Variants in NTF3 observed in about 807,000 individuals in gnomAD.
The protein encoded by NTF3 is neurotrophin 3.
Under a neutral mutation model 26.3 loss-of-function variants are expected in NTF3, and 8 were observed. That is an observed-to-expected ratio of 0.30 (90% CI 0.18 to 0.55). The LOEUF is 0.55. Among genes scored for constraint, NTF3 ranks in the 20% least tolerant of loss-of-function variants. NTF3 has a pLI of 0.93. For synonymous variants in NTF3, 154 were observed against 145.5 expected, an observed-to-expected ratio of 1.06 and a Z score of -0.42; for missense variants, 276 against 352.9, an observed-to-expected ratio of 0.78 and a Z score of 1.75.
At chr12:5,450,876 C>T (rs1448819947) in intron 1 of NTF3, among the ~76,000 whole-genome samples, 3 of 152,164 alleles carry the variant, frequency 2.0e-5, no homozygotes, top group Non-Finnish European at 4.4e-5. Flanking sequence ...ATTGCTGTAT[C>T]TCCAGCACCT....
intron 1 of NTF3, among the ~76,000 whole-genome samples, chr12:5,441,509 C>G (rs555870914): frequency 6.6e-6 from 1 of 152,214 alleles, no homozygotes. Flanking sequence ...GGAAGCCTCC[C>G]TGCATTTCCC....
Position 5,494,354 on chromosome 12 carries a change from A to G in NTF3, c.179A>G (p.Lys60Arg). ...ATCCAGGCAGATATTTTGAAAAACA[A>G]GCTCTCCAAGCAGATGGTGGACGTT... ...KLIQADILKNKLSKQMVDVKE... is the reference protein window; with the variant it reads ...KLIQADILKNRLSKQMVDVKE... The change falls in exon 2 of 2, where the codon AAG becomes AGG. Residue 60 changes from lysine (K) to arginine (R), a missense_variant. Physicochemically the swap from Lys to Arg is conservative, Grantham distance 26. Transcript: ENST00000423158. The surrounding 1 kb of genome is among the most constrained non-coding windows in gnomAD (Gnocchi z 8.3). 6.2e-7 allele frequency: 1 copy of G among 1,614,096 alleles called. No individual in the cohort carries two copies. The highest frequency in any genetic ancestry group is 8.5e-7 in the Non-Finnish European group (1 of 1,180,020).
At chr12:5,434,349 T>G (rs1409134813) in intron 1 of NTF3, among the ~76,000 whole-genome samples, 1 of 152,090 alleles carries the variant, frequency 6.6e-6, no homozygotes, top group Non-Finnish European at 1.5e-5. Flanking sequence ...TTTGTGTTGG[T>G]GAGGACTGGA....
intron 1 of NTF3, among the ~76,000 whole-genome samples, chr12:5,466,647 T>C (rs1200375389): frequency 6.6e-6 from 1 of 152,224 alleles, no homozygotes; most frequent in Non-Finnish European, 1.5e-5. Flanking sequence ...AAGAAATATA[T>C]CCAGAAAGTA....
At chr12:5,470,206 G>A (rs1483054891) in intron 1 of NTF3, among the ~76,000 whole-genome samples, 3 of 152,214 alleles carry the variant, frequency 2.0e-5, no homozygotes, top group African/African-American at 7.2e-5. Context: ...TTACAGGCGT[G>A]AGCCACTGCG....
intron 1 of NTF3, among the ~76,000 whole-genome samples, chr12:5,484,044 C>A (rs1489210589): frequency 6.6e-6 from 1 of 152,162 alleles, no homozygotes. Context: ...ATCTGGGACC[C>A]CTGTGCCTCC....
At position 5,465,033 on chromosome 12, in the gene NTF3, C is replaced by T. The variant is rs552745713; in HGVS notation, c.19-29161C>T. 3.9e-5 allele frequency among the ~76,000 whole-genome samples: 6 copies of T among 152,302 alleles called. No individual in the cohort carries two copies. In the South Asian group the frequency reaches 6.2e-4, roughly 16 times the overall value. On this transcript the variant is annotated intron_variant, in intron 1 of 1. Coordinates refer to ENST00000423158, the MANE Select transcript of NTF3 (RefSeq NM_001102654.2). ...TATCACCAGAGACTGAAAAGAGCCA[C>T]CTAAGGCAGGCAGGTCAGGTGGTGT...
chr12:5,430,643 T>G (rs1217735402), upstream of NTF3, among the ~76,000 whole-genome samples: 1 of 147,432 alleles, frequency 6.8e-6, no homozygotes, highest in African/African-American at 2.5e-5. Flanking sequence ...GGCCGGTTGG[T>G]CCTGAACTGG....
intron 1 of NTF3, among the ~76,000 whole-genome samples, chr12:5,466,272 C>T (rs149557945): frequency 1.4e-3 from 208 of 152,298 alleles, no homozygotes; most frequent in African/African-American, 2.6e-3. Context: ...CAAGTCTGTC[C>T]GCTGCATCCT....
intron 1 of NTF3, among the ~76,000 whole-genome samples, chr12:5,455,227 G>A (rs998713222): frequency 6.6e-6 from 1 of 152,288 alleles, no homozygotes; most frequent in East Asian, 1.9e-4. Flanking sequence ...TCCCCTCCCA[G>A]CTCCTGTCTC....
Position 5,495,292 on chromosome 12 carries a change from T to C in NTF3, c.*304T>C. On this transcript the variant is annotated 3_prime_UTR_variant, in exon 2 of 2. Coordinates refer to ENST00000423158, the MANE Select transcript of NTF3 (RefSeq NM_001102654.2). ...ATGACTGTTGTTTTAGTAAACTTGT[T>C]AAAATCAGATGATGTCAGAGTTGTG... The C allele has an allele frequency of 2.9e-6, 1 of 340,474 alleles. No individual in the cohort carries two copies. The highest frequency in any genetic ancestry group is 7.0e-5 in the East Asian group (1 of 14,222). The allele number at this position is 340,474 out of a possible 1,614,324, so 21.1% of individuals were successfully genotyped here. A position where few individuals can be genotyped will look rare whatever the true frequency, so the allele number is the denominator to read the frequency against.
chr12:5,450,395 G>A (rs1273446144), intron 1 of NTF3, among the ~76,000 whole-genome samples: 1 of 152,188 alleles, frequency 6.6e-6, no homozygotes, highest in Non-Finnish European at 1.5e-5. Flanking sequence ...CTGACTTCTT[G>A]TAGGGTTGGA....
At chr12:5,462,109 C>T (rs1446068082) in intron 1 of NTF3, among the ~76,000 whole-genome samples, 3 of 152,210 alleles carry the variant, frequency 2.0e-5, no homozygotes, top group Admixed American at 2.0e-4. Context: ...CACATCTTTT[C>T]CTACAGTAGG....
chr12:5,491,291 G>C (rs1940932848), intron 1 of NTF3, among the ~76,000 whole-genome samples: 1 of 152,286 alleles, frequency 6.6e-6, no homozygotes, highest in East Asian at 1.9e-4. Context: ...AGAAAAGCTA[G>C]AAGTCGATTA....
chr12:5,464,625 T>C (rs1410035265), intron 1 of NTF3, among the ~76,000 whole-genome samples: 1 of 152,200 alleles, frequency 6.6e-6, no homozygotes, highest in Non-Finnish European at 1.5e-5. Flanking sequence ...CCTGAGAATC[T>C]GCATACTAAC....
rs1484977478 is a variant in NTF3 at position 5,481,818 on chromosome 12, GCA to G, written c.19-12369_19-12368del. On this transcript the variant is annotated intron_variant, in intron 1 of 1. Transcript: ENST00000423158. ...ACACCACACTCATACAGAGACACAT[GCA>G]CACACATGCATACTACACACATGCA... Among the ~76,000 whole-genome samples, 5 of 141,500 alleles carry G rather than the reference GCA, an allele frequency of 3.5e-5. No individual in the cohort carries two copies. In the East Asian group the frequency reaches 9.0e-4, roughly 25 times the overall value. 92.8% of individuals were successfully genotyped at this position (141,500 alleles called of 152,430 possible).
chr12:5,431,965 G>A (rs533056511), upstream of NTF3: 10 of 150,644 alleles, frequency 6.6e-5, no homozygotes, highest in South Asian at 9.1e-4. Context: ...TGAGGGCGGG[G>A]GGGGGGCTCT....
upstream of NTF3, among the ~76,000 whole-genome samples, chr12:5,430,439 G>C (rs1940070442): frequency 6.6e-6 from 1 of 151,886 alleles, no homozygotes; most frequent in Admixed American, 6.6e-5. Context: ...AGCCACTGAA[G>C]GACTACCCTA....
intron 1 of NTF3, among the ~76,000 whole-genome samples, chr12:5,459,517 A>G (rs961713504): frequency 2.1e-4 from 32 of 152,140 alleles, no homozygotes; most frequent in African/African-American, 6.8e-4. Context: ...AGCAGATTTC[A>G]TCTTCTCTTG....
Sources: gnomAD v4.1 joint callset for allele counts (sites outside exome capture counted in the v4.1 genomes callset) on GRCh38, gnomAD v4.1.1 for gene constraint, Gnocchi (gnomAD v3.1) non-coding constraint, MANE v1.5 for transcripts, NCBI Gene and HGNC (gene_info 2026-07-23, HGNC 2026-07-21) for gene names.